Variants in SMIM10L3 observed in about 807,000 individuals in gnomAD.
The protein encoded by SMIM10L3 is salivary gland specific protein SAGSIN1.
the SMIM10L3 span, among the ~76,000 whole-genome samples, chr7:6,348,006 G>A: frequency 6.6e-6 from 1 of 151,284 alleles, no homozygotes; most frequent in African/African-American, 2.4e-5. Context: ...CGCCTCCCAG[G>A]TTCCAGCGAT....
At chr7:6,341,645 G>T in the SMIM10L3 span, among the ~76,000 whole-genome samples, 6 of 147,968 alleles carry the variant, frequency 4.1e-5, no homozygotes, top group South Asian at 1.3e-3. Context: ...AGCTGAGATC[G>T]CGCCACCGCA....
At chr7:6,343,445 T>TATATATATATATA in the SMIM10L3 span, among the ~76,000 whole-genome samples, 1 of 109,778 alleles carries the variant, frequency 9.1e-6, no homozygotes, top group African/African-American at 3.5e-5. Context: ...TATATATATA[T>TATATATATATATA]GATCTAGGAC....
At chr7:6,347,393 G>A in the SMIM10L3 span, among the ~76,000 whole-genome samples, 1 of 151,960 alleles carries the variant, frequency 6.6e-6, no homozygotes, top group African/African-American at 2.4e-5. Flanking sequence ...GCGGGCACCT[G>A]TAGTCCCAGC....
At chr7:6,331,159 C>T in the SMIM10L3 span, 50 of 1,607,544 alleles carry the variant, frequency 3.1e-5, no homozygotes, top group Non-Finnish European at 3.9e-5. Context: ...CCTCATGCTT[C>T]GTGTTCTTGG....
chr7:6,348,768 G>A, the SMIM10L3 span: 1 of 398,670 alleles, frequency 2.5e-6, no homozygotes, highest in Admixed American at 4.4e-5. Context: ...TATAGAGACC[G>A]GCGCTCCCAC....
the SMIM10L3 span, among the ~76,000 whole-genome samples, chr7:6,336,473 G>C: frequency 1.1e-4 from 17 of 152,210 alleles, 1 homozygote; most frequent in South Asian, 3.5e-3. Flanking sequence ...TTGAGGTCAG[G>C]AGTTTGAGAC....
chr7:6,336,207 G>A, the SMIM10L3 span, among the ~76,000 whole-genome samples: 1 of 151,292 alleles, frequency 6.6e-6, no homozygotes, highest in Non-Finnish European at 1.5e-5. Flanking sequence ...TTAGCTGGGG[G>A]TGGTGGTGCA....
the SMIM10L3 span, chr7:6,348,451 A>G: frequency 2.5e-6 from 1 of 397,420 alleles, no homozygotes; most frequent in Non-Finnish European, 4.4e-6. Flanking sequence ...CGCACGGGAA[A>G]ATGCACGGTG....
chr7:6,335,057 G>A, the SMIM10L3 span, among the ~76,000 whole-genome samples: 13 of 151,622 alleles, frequency 8.6e-5, no homozygotes, highest in Non-Finnish European at 1.2e-4. Flanking sequence ...GTGAGCCACC[G>A]CACCCAGCCA....
the SMIM10L3 span, among the ~76,000 whole-genome samples, chr7:6,336,476 T>C: frequency 6.6e-6 from 1 of 151,540 alleles, no homozygotes; most frequent in Non-Finnish European, 1.5e-5. Flanking sequence ...AGGTCAGGAG[T>C]TTGAGACCAG....
chr7:6,341,323 G>T, the SMIM10L3 span, among the ~76,000 whole-genome samples: 1 of 151,330 alleles, frequency 6.6e-6, no homozygotes, highest in Admixed American at 6.6e-5. Context: ...GGCGCCTGTA[G>T]TCCCAGCTAC....
At chr7:6,339,027 T>C in the SMIM10L3 span, among the ~76,000 whole-genome samples, 1 of 151,960 alleles carries the variant, frequency 6.6e-6, no homozygotes, top group East Asian at 1.9e-4. Flanking sequence ...AGACTGGAGG[T>C]AGCAGAAACA....
At chr7:6,339,335 G>A in the SMIM10L3 span, among the ~76,000 whole-genome samples, 8 of 152,016 alleles carry the variant, frequency 5.3e-5, no homozygotes, top group Non-Finnish European at 2.9e-5. Context: ...TGGGTGTGGT[G>A]CACACACCTG....
chr7:6,345,229 C>T, the SMIM10L3 span, among the ~76,000 whole-genome samples: 1 of 151,372 alleles, frequency 6.6e-6, no homozygotes, highest in Admixed American at 6.6e-5. Context: ...GCGATCCTCC[C>T]ACCTCTGCCT....
the SMIM10L3 span, among the ~76,000 whole-genome samples, chr7:6,348,232 A>G: frequency 1.4e-5 from 2 of 145,186 alleles, no homozygotes; most frequent in Admixed American, 6.9e-5. Flanking sequence ...ATTAAAAATA[A>G]GGGGGGGGGT....
the SMIM10L3 span, among the ~76,000 whole-genome samples, chr7:6,333,131 T>TG: frequency 1.2e-4 from 18 of 147,856 alleles, no homozygotes; most frequent in East Asian, 2.2e-3. Context: ...CACTCCAGCC[T>TG]GGCGACAGAG....
the SMIM10L3 span, among the ~76,000 whole-genome samples, chr7:6,347,254 C>T: frequency 6.6e-6 from 1 of 152,170 alleles, no homozygotes; most frequent in African/African-American, 2.4e-5. Context: ...GTGGCTGACG[C>T]CTATAATCCC....
the SMIM10L3 span, among the ~76,000 whole-genome samples, chr7:6,333,804 C>T: frequency 6.6e-6 from 1 of 150,384 alleles, no homozygotes; most frequent in African/African-American, 2.4e-5. Context: ...ACAGGGTCTC[C>T]CCATGTTGCC....
At chr7:6,338,479 A>G in the SMIM10L3 span, among the ~76,000 whole-genome samples, 68 of 152,298 alleles carry the variant, frequency 4.5e-4, no homozygotes, top group African/African-American at 1.6e-3. Flanking sequence ...CAGGAAAAAT[A>G]AAGTGTAGCC....
Sources: gnomAD v4.1 joint callset for allele counts (sites outside exome capture counted in the v4.1 genomes callset) on GRCh38, gnomAD v4.1.1 for gene constraint, MANE v1.5 for transcripts, NCBI Gene and HGNC (gene_info 2026-07-23, HGNC 2026-07-21) for gene names.